FAM135B: variants seen among roughly 807,000 people sequenced by gnomAD.
The protein encoded by FAM135B is family with sequence similarity 135 member B, also known as protein FAM135B.
Under a neutral mutation model 127.7 loss-of-function variants are expected in FAM135B, and 43 were observed. The observed-to-expected ratio is 0.34, with a 90% CI of 0.26 to 0.43. The LOEUF is 0.43. Ranked by LOEUF, FAM135B falls within the 20% of genes least tolerant of loss-of-function variation. The pLI, the probability that FAM135B is intolerant of heterozygous loss-of-function variation, is 1.00. For synonymous variants in FAM135B, 670 were observed against 665.1 expected (o/e 1.01, Z -0.11); for missense variants, 1,558 against 1,725.6 (o/e 0.90, Z 1.72).
chr8:138,368,127 G>A (rs748831335), intron 1 of FAM135B, 125 bp from the exon 2 acceptor site: 29 of 654,550 alleles, frequency 4.4e-5, no homozygotes, highest in Admixed American at 2.8e-4. Flanking sequence ...TCCACTGAAC[G>A]TCACCACTCA....
intron 1 of FAM135B, among the ~76,000 whole-genome samples, chr8:138,380,503 G>A (rs1177779263): frequency 6.6e-6 from 1 of 152,054 alleles, no homozygotes; most frequent in African/African-American, 2.4e-5. Flanking sequence ...CACTATATAG[G>A]TTTTAATACC....
chr8:138,461,868 C>T (rs1405848288), intron 1 of FAM135B, among the ~76,000 whole-genome samples: 1 of 152,152 alleles, frequency 6.6e-6, no homozygotes, highest in Non-Finnish European at 1.5e-5. Flanking sequence ...CTGTATCGTT[C>T]AACCCACGAG....
At chr8:138,171,679 C>A (rs1194012344) in intron 11 of FAM135B, among the ~76,000 whole-genome samples, 1 of 152,102 alleles carries the variant, frequency 6.6e-6, no homozygotes, top group East Asian at 1.9e-4. Flanking sequence ...CAGGAAGGTC[C>A]CGAGCACTTT....
intron 2 of FAM135B, among the ~76,000 whole-genome samples, chr8:138,333,918 C>A (rs1258916042): frequency 6.6e-6 from 1 of 152,042 alleles, no homozygotes; most frequent in Non-Finnish European, 1.5e-5. Context: ...CTCCATGTCT[C>A]TTTTATTTGA....
At chr8:138,195,425 T>C in intron 8 of FAM135B, 118 bp from the exon 9 acceptor site, 1 of 913,160 alleles carries the variant, frequency 1.1e-6, no homozygotes, top group Admixed American at 1.9e-5. Context: ...GACAAACACA[T>C]TGCTGAGGAC....
At chr8:138,341,753 C>T (rs896744970) in intron 2 of FAM135B, among the ~76,000 whole-genome samples, 3 of 152,094 alleles carry the variant, frequency 2.0e-5, no homozygotes, top group Admixed American at 2.0e-4. Flanking sequence ...TGCCTGTCCC[C>T]TGCAATCACC....
intron 1 of FAM135B, among the ~76,000 whole-genome samples, chr8:138,383,580 C>T (rs1831999751): frequency 6.6e-6 from 1 of 152,284 alleles, no homozygotes; most frequent in South Asian, 2.1e-4. Flanking sequence ...ACCTTAAACA[C>T]CATGATACTG....
In FAM135B at chr8:138,471,544, C is replaced by A. The variant is rs13279061; in HGVS notation, c.-20+25127G>T. On this transcript the variant is annotated intron_variant, in intron 1 of 19. Coordinates refer to ENST00000395297, the MANE Select transcript of FAM135B (RefSeq NM_015912.4). The stretch of plus-strand genomic sequence containing the variant: ...TAGGGAAACAGATGGACAAAAGTAC[C>A]ATTTACCCACTGAGACAGGAACCTC... Among the ~76,000 whole-genome samples the A allele has an allele frequency of 2.6e-5, 4 of 151,972 alleles. No homozygotes were observed. The East Asian group carries it at 7.8e-4, about 30-fold the overall frequency.
At chr8:138,334,451 G>C (rs747901381) in intron 2 of FAM135B, among the ~76,000 whole-genome samples, 1 of 152,114 alleles carries the variant, frequency 6.6e-6, no homozygotes, top group Non-Finnish European at 1.5e-5. Flanking sequence ...AGGAAAACTT[G>C]TATCATGGGG....
intron 1 of FAM135B, among the ~76,000 whole-genome samples, chr8:138,408,759 C>A (rs1192992336): frequency 6.6e-6 from 1 of 152,036 alleles, no homozygotes; most frequent in Non-Finnish European, 1.5e-5. Flanking sequence ...CATAAGGACT[C>A]CCTCACTACC....
intron 1 of FAM135B, among the ~76,000 whole-genome samples, chr8:138,475,522 G>A (rs1814372539): frequency 6.6e-6 from 1 of 152,048 alleles, no homozygotes; most frequent in Non-Finnish European, 1.5e-5. Flanking sequence ...CTACCATCTT[G>A]TCATCCAACC....
intron 12 of FAM135B, among the ~76,000 whole-genome samples, chr8:138,156,401 C>A (rs1818747800): frequency 1.3e-5 from 2 of 152,006 alleles, no homozygotes; most frequent in Non-Finnish European, 2.9e-5. Flanking sequence ...GAAGCAAGAG[C>A]AAACACATTC....
At chr8:138,396,232 C>T (rs1469586261) in intron 1 of FAM135B, among the ~76,000 whole-genome samples, 1 of 152,128 alleles carries the variant, frequency 6.6e-6, no homozygotes, top group African/African-American at 2.4e-5. Flanking sequence ...GAAATGTAAG[C>T]CCTGTGCACA....
At chr8:138,298,137 ATGAGT>A (rs368100874) in intron 3 of FAM135B, among the ~76,000 whole-genome samples, 10 of 152,326 alleles carry the variant, frequency 6.6e-5, no homozygotes, top group African/African-American at 2.4e-4. Flanking sequence ...GGAAGATGTG[ATGAGT>A]TAAGTACAGC....
At chr8:138,187,849 G>A (rs1292116703) in intron 9 of FAM135B, among the ~76,000 whole-genome samples, 1 of 152,202 alleles carries the variant, frequency 6.6e-6, no homozygotes, top group Non-Finnish European at 1.5e-5. Flanking sequence ...TTGGGACTTT[G>A]AGCCCGGCCC....
Position 138,152,886 on chromosome 8 carries a change from G to A in FAM135B, c.1589C>T (p.Pro530Leu), listed in dbSNP as rs1818312941. ...TCTAGAAGTATCCACATCTGCCACT[G>A]GATATGTCCCAGCATCAGATGTTTG... Reference protein sequence around the residue: ...TGQTSDAGTYPVADVDTSRRS... With the variant: ...TGQTSDAGTYLVADVDTSRRS... Residue 530 changes from proline (P) to leucine (L), a missense_variant, in exon 13 of 20, where the codon CCA becomes CTA. This residue lies in a region of FAM135B where 923 missense variants were observed against 865.3 expected (regional missense o/e 1.07). Transcript: ENST00000395297. The A allele has an allele frequency of 6.2e-7, 1 of 1,614,066 alleles. No homozygotes were observed. Among genetic ancestry groups the A allele is most frequent in the African/African-American group, 1.3e-5 (1 of 74,920 alleles).
At chr8:138,483,554 A>T (rs1242012728) in intron 1 of FAM135B, among the ~76,000 whole-genome samples, 2 of 152,232 alleles carry the variant, frequency 1.3e-5, no homozygotes, top group Non-Finnish European at 2.9e-5. Context: ...ATGTGTTTAC[A>T]GGTGCCTGTG....
chr8:138,241,268 G>A lies in FAM135B; in HGVS notation c.669+1674C>T, dbSNP rs147900584. 5.3e-5 allele frequency among the ~76,000 whole-genome samples: 8 copies of A among 152,232 alleles called. No homozygotes were observed. Among genetic ancestry groups the A allele is most frequent in the South Asian group, 4.1e-4 (2 of 4,822 alleles). ...TCACTTCCTATGTGCTGGGCCCTGCGTCAGTGCTAAGGACGTCAGGTTCTG... is the reference window on the plus strand; with the variant it reads ...TCACTTCCTATGTGCTGGGCCCTGCATCAGTGCTAAGGACGTCAGGTTCTG... On this transcript the variant is annotated intron_variant, in intron 7 of 19. Transcript: ENST00000395297. The surrounding 1 kb of genome is among the most constrained non-coding windows in gnomAD (Gnocchi z 4.8).
At chr8:138,171,055 A>C (rs1047910986) in intron 11 of FAM135B, among the ~76,000 whole-genome samples, 4 of 152,158 alleles carry the variant, frequency 2.6e-5, no homozygotes, top group Non-Finnish European at 4.4e-5. Context: ...CTTGGTTCTG[A>C]GGAATTCCAA....
Sources: allele counts gnomAD v4.1 joint callset (sites outside exome capture counted in the v4.1 genomes callset), GRCh38; gene constraint gnomAD v4.1.1; regional missense constraint gnomAD v4.1.1; non-coding constraint Gnocchi (gnomAD v3.1); transcripts MANE v1.5; gene names NCBI Gene and HGNC (gene_info 2026-07-23, HGNC 2026-07-21).